The following MAP7 variants were observed in gnomAD, a reference collection of about 807,000 sequenced individuals.
The protein encoded by MAP7 is ensconsin.
MAP7 carries 52 observed loss-of-function variants against 94.8 expected under a neutral mutation model. That is an observed-to-expected ratio of 0.55 (90% CI 0.44 to 0.69). MAP7 has a LOEUF of 0.69. MAP7 is among the 30% of genes least tolerant of loss of function. The pLI is 0.00. For missense variants in MAP7, 940 were observed against 964.6 expected, an observed-to-expected ratio of 0.97 and a Z score of 0.34; for synonymous variants, 350 against 357.0, an observed-to-expected ratio of 0.98 and a Z score of 0.22.
intron 1 of MAP7, among the ~76,000 whole-genome samples, chr6:136,495,568 C>T (rs561564855): frequency 1.7e-4 from 26 of 152,240 alleles, no homozygotes; most frequent in African/African-American, 6.3e-4. Context: ...CACGTGGGTG[C>T]TCAAAAAGTT....
intron 1 of MAP7, among the ~76,000 whole-genome samples, chr6:136,481,185 T>C (rs1166767121): frequency 6.6e-6 from 1 of 152,194 alleles, no homozygotes; most frequent in Admixed American, 6.5e-5. Flanking sequence ...TGTTAATTAG[T>C]ACAACTACTA....
At position 136,383,785 on chromosome 6, in the gene MAP7, A is replaced by T; in HGVS notation, c.527-4T>A. On this transcript the variant is annotated splice_polypyrimidine_tract_variant and splice_region_variant and intron_variant, in intron 5 of 17. Transcript: ENST00000354570. ...GAAACTGACCGCCTGTCTGGATCTAAAACAAATGGAGATAATGCTAATTGA... is the reference window on the plus strand; with the variant it reads ...GAAACTGACCGCCTGTCTGGATCTATAACAAATGGAGATAATGCTAATTGA... The T allele has an allele frequency of 6.4e-7, 1 of 1,557,450 alleles. No individual in the cohort carries two copies. The highest frequency in any genetic ancestry group is 8.9e-7 in the Non-Finnish European group (1 of 1,129,936).
At position 136,381,877 on chromosome 6, in the gene MAP7, TACACAC is replaced by T. The variant is rs1156527948; in HGVS notation, c.637+1788_637+1793del. Among the ~76,000 whole-genome samples, 539 of 93,022 alleles carry T rather than the reference TACACAC, an allele frequency of 5.8e-3. 5 individuals are homozygous for T. The highest frequency in any genetic ancestry group is 0.019 in the African/African-American group (396 of 21,064). 61.0% of individuals were successfully genotyped at this position (93,022 alleles called of 152,430 possible). On this transcript the variant is annotated intron_variant, in intron 6 of 17. Coordinates refer to ENST00000354570, the MANE Select transcript of MAP7 (RefSeq NM_003980.6). Reference sequence around the variant, plus strand: ...CTCTACTCCTTACCACTTCTAACCTTACACACACACACACACACACACACACACACA... The same window carrying T: ...CTCTACTCCTTACCACTTCTAACCTTACACACACACACACACACACACACA...
Position 136,550,417 on chromosome 6 carries a change from G to A in MAP7, c.-9C>T. 1.3e-6 allele frequency: 2 copies of A among 1,515,802 alleles called. No homozygotes were observed. The highest frequency in any genetic ancestry group is 8.8e-7 in the Non-Finnish European group (1 of 1,138,916). 93.9% of individuals were successfully genotyped at this position (1,515,802 alleles called of 1,614,324 possible). ...GCTCCTAGCTCCGCCATGGTGCTCC[G>A]ATGACGCGCCCGGAGAGCCGCTCCG... is the stretch of plus-strand genomic sequence containing the variant. On this transcript the variant is annotated 5_prime_UTR_variant, in exon 1 of 18. Coordinates refer to ENST00000354570, the MANE Select transcript of MAP7 (RefSeq NM_003980.6). The surrounding 1 kb of genome is among the most constrained non-coding windows in gnomAD (Gnocchi z 5.1).
At chr6:136,393,978 A>ATTTT in intron 3 of MAP7, among the ~76,000 whole-genome samples, 1 of 36,204 alleles carries the variant, frequency 2.8e-5, no homozygotes, top group Non-Finnish European at 7.1e-5. Flanking sequence ...CAGCAAAGGT[A>ATTTT]TTTTTTTTTT....
chr6:136,482,216 T>G (rs1813062914), intron 1 of MAP7, among the ~76,000 whole-genome samples: 2 of 152,174 alleles, frequency 1.3e-5, no homozygotes, highest in Non-Finnish European at 2.9e-5. Flanking sequence ...GTTTGGTGAT[T>G]TATCAAAGAA....
intron 1 of MAP7, among the ~76,000 whole-genome samples, chr6:136,443,359 GA>G (rs1176993238): frequency 6.6e-6 from 1 of 151,924 alleles, no homozygotes; most frequent in Non-Finnish European, 1.5e-5. Context: ...TACTTTAAGG[GA>G]ATATGTCTAC....
chr6:136,356,766 G>T lies in MAP7; in HGVS notation c.1941C>A (p.Asn647Lys). 2 of 1,614,108 alleles carry T rather than the reference G, an allele frequency of 1.2e-6. No homozygotes were observed. Among genetic ancestry groups the T allele is most frequent in the Non-Finnish European group, 1.7e-6 (2 of 1,179,996 alleles). ...TEVSALPCTT[N>K]APGNGKPVGS... ...CAACTGGCTTTCCATTTCCCGGAGC[G>T]TTTGTTGTACATGGAAGTGCAGACA... Residue 647 changes from asparagine to lysine, a missense_variant, in exon 16 of 18, where the codon AAC becomes AAA. Coordinates refer to ENST00000354570, the MANE Select transcript of MAP7 (RefSeq NM_003980.6).
intron 1 of MAP7, among the ~76,000 whole-genome samples, chr6:136,456,206 T>C (rs1372800436): frequency 1.3e-5 from 2 of 152,198 alleles, no homozygotes; most frequent in African/African-American, 4.8e-5. Flanking sequence ...TTGGAAAGAT[T>C]AAGCTGGAAA....
intron 6 of MAP7, among the ~76,000 whole-genome samples, chr6:136,378,443 C>T (rs1362108880): frequency 6.6e-6 from 1 of 152,166 alleles, no homozygotes; most frequent in Non-Finnish European, 1.5e-5. Flanking sequence ...AAAGAAGATT[C>T]GTGCAAAGTT....
At chr6:136,491,570 G>T (rs991932890) in intron 1 of MAP7, among the ~76,000 whole-genome samples, 1 of 152,168 alleles carries the variant, frequency 6.6e-6, no homozygotes, top group African/African-American at 2.4e-5. Flanking sequence ...GGGCAAACCT[G>T]TATCCCTGTG....
intron 1 of MAP7, among the ~76,000 whole-genome samples, chr6:136,424,239 T>C (rs899699849): frequency 5.9e-5 from 9 of 151,636 alleles, no homozygotes; most frequent in African/African-American, 2.2e-4. Context: ...GGATTGTATA[T>C]ACCCTTATAA....
Position 136,344,030 on chromosome 6 carries a change from C to A in MAP7, c.*198G>T. 1 of 341,264 alleles carries A rather than the reference C, an allele frequency of 2.9e-6. No individual in the cohort carries two copies. Among genetic ancestry groups the A allele is most frequent in the Non-Finnish European group, 5.3e-6 (1 of 186,946 alleles). 21.1% of individuals were successfully genotyped at this position (341,264 alleles called of 1,614,324 possible). A position where few individuals can be genotyped will look rare whatever the true frequency, so the allele number is the denominator to read the frequency against. On this transcript the variant is annotated 3_prime_UTR_variant, in exon 18 of 18. Transcript: ENST00000354570. Reference sequence around the variant, plus strand: ...AAGTATTGAAGAATGAGACGTATTTCTTTTTTCCTATTGATGAAAATTATT... The same window carrying A: ...AAGTATTGAAGAATGAGACGTATTTATTTTTTCCTATTGATGAAAATTATT...
chr6:136,502,038 C>T, intron 1 of MAP7, among the ~76,000 whole-genome samples: 1 of 152,134 alleles, frequency 6.6e-6, no homozygotes, highest in East Asian at 1.9e-4. Flanking sequence ...GCTGAGATGC[C>T]TTTTTGTGCA....
chr6:136,530,094 A>G (rs1048166667), intron 1 of MAP7, among the ~76,000 whole-genome samples: 12 of 152,242 alleles, frequency 7.9e-5, no homozygotes, highest in Admixed American at 5.2e-4. Flanking sequence ...AGCACACTCC[A>G]TGAATGAATC....
intron 8 of MAP7, among the ~76,000 whole-genome samples, chr6:136,370,883 AT>A (rs1417092357): frequency 1.3e-5 from 2 of 149,450 alleles, no homozygotes; most frequent in Non-Finnish European, 3.0e-5. Flanking sequence ...AATGATTAAA[AT>A]GGTAAATTTT....
At chr6:136,388,340 C>A in intron 5 of MAP7, 53 bp downstream of exon 5, 4 of 1,320,856 alleles carry the variant, frequency 3.0e-6, no homozygotes, top group Middle Eastern at 1.9e-4. Context: ...GAAGGAAACA[C>A]CCTGTTACTT....
chr6:136,410,241 T>C (rs1787013934), intron 3 of MAP7, among the ~76,000 whole-genome samples: 1 of 152,218 alleles, frequency 6.6e-6, no homozygotes, highest in Admixed American at 6.5e-5. Flanking sequence ...TAAAGAGATC[T>C]ACAAGTGTGA....
intron 1 of MAP7, among the ~76,000 whole-genome samples, chr6:136,454,272 GATCTATCTATCTATCTATCTATCT>G (rs57308742): frequency 7.1e-6 from 1 of 141,350 alleles, no homozygotes; most frequent in Non-Finnish European, 1.5e-5. Context: ...CTACCTAAAT[GATCTATCTATCTATCTATCTATCT>G]ATCTATCTAT....
Sources: allele counts gnomAD v4.1 joint callset (sites outside exome capture counted in the v4.1 genomes callset), GRCh38; gene constraint gnomAD v4.1.1; non-coding constraint Gnocchi (gnomAD v3.1); transcripts MANE v1.5; gene names NCBI Gene and HGNC (gene_info 2026-07-23, HGNC 2026-07-21).